The following MYO3B variants were observed in gnomAD, a reference collection of about 807,000 sequenced individuals.
The protein encoded by MYO3B is myosin-IIIb.
A neutral mutation model predicts 174.6 loss-of-function variants in MYO3B; 156 were observed. The ratio of observed to expected loss-of-function variants is 0.89; its 90% CI spans 0.78 to 1.02. The LOEUF (loss-of-function observed/expected upper bound fraction) is 1.02, where lower values mean the gene tolerates loss of function less well. Ranked by LOEUF, MYO3B falls within the 50% of genes least tolerant of loss-of-function variation. MYO3B has a pLI of 0.00. For missense variants in MYO3B, 1,632 were observed against 1,639.4 expected (o/e 1.00, Z 0.08); for synonymous variants, 563 against 569.1 (o/e 0.99, Z 0.15).
chr2:170,644,453 AT>A lies in MYO3B; in HGVS notation c.3734-7170del, dbSNP rs1698220351. 3 of 152,178 alleles carry A rather than the reference AT, an allele frequency of 2.0e-5. No homozygotes were observed. The East Asian group carries it at 5.8e-4, about 29-fold the overall frequency. The allele number at this position is 152,178 out of a possible 1,614,324, so 9.4% of individuals were successfully genotyped here. A position where few individuals can be genotyped will look rare whatever the true frequency, so the allele number is the denominator to read the frequency against. ...AGGTGCACACCACCACACACAGCTA[AT>A]TTTTGTATTTTAAGTCAAGACAGGG... is the stretch of plus-strand genomic sequence containing the variant. On this transcript the variant is annotated intron_variant, in intron 32 of 34. Transcript: ENST00000408978.
intron 7 of MYO3B, among the ~76,000 whole-genome samples, chr2:170,321,988 C>CTCAGGTA (rs1269467083): frequency 4.6e-5 from 7 of 151,966 alleles, no homozygotes; most frequent in Non-Finnish European, 7.4e-5. Flanking sequence ...GTGGCACGTG[C>CTCAGGTA]CTGTAATCCC....
chr2:170,260,954 G>A (rs2093341061), intron 7 of MYO3B, among the ~76,000 whole-genome samples: 3 of 152,318 alleles, frequency 2.0e-5, no homozygotes, highest in South Asian at 4.1e-4. Flanking sequence ...TTAAAGTGAT[G>A]CAGAAAAATG....
At chr2:170,320,220 T>C (rs2105492437) in intron 7 of MYO3B, among the ~76,000 whole-genome samples, 1 of 152,320 alleles carries the variant, frequency 6.6e-6, no homozygotes, top group East Asian at 1.9e-4. Context: ...ATTTTTAGTT[T>C]ATTTTTTGTG....
chr2:170,326,198 A>G (rs1236403384), intron 7 of MYO3B, among the ~76,000 whole-genome samples: 2 of 151,504 alleles, frequency 1.3e-5, no homozygotes, highest in Admixed American at 6.6e-5. Context: ...CATTAGACAC[A>G]CTGTAATGAT....
chr2:170,362,192 C>T (rs917772265), intron 8 of MYO3B, among the ~76,000 whole-genome samples: 1 of 152,202 alleles, frequency 6.6e-6, no homozygotes, highest in Non-Finnish European at 1.5e-5. Context: ...TGGCTTCAAA[C>T]CACCACCCTA....
At chr2:170,500,891 G>A (rs150008342) in intron 27 of MYO3B, among the ~76,000 whole-genome samples, 4 of 127,740 alleles carry the variant, frequency 3.1e-5, no homozygotes, top group Non-Finnish European at 7.0e-5. Flanking sequence ...CTTTGTTTAC[G>A]TATATGTGTT....
At chr2:170,628,797 C>T (rs986756475) in intron 32 of MYO3B, among the ~76,000 whole-genome samples, 6 of 152,144 alleles carry the variant, frequency 3.9e-5, no homozygotes, top group Non-Finnish European at 8.8e-5. Context: ...TTTTGTGAAG[C>T]TTTAGTATAG....
At chr2:170,599,238 C>T (rs1266992574) in intron 32 of MYO3B, among the ~76,000 whole-genome samples, 1 of 152,158 alleles carries the variant, frequency 6.6e-6, no homozygotes, top group Non-Finnish European at 1.5e-5. Flanking sequence ...GCATAGAATA[C>T]TGTTCGTACT....
At chr2:170,625,005 A>C (rs1272398293) in intron 32 of MYO3B, among the ~76,000 whole-genome samples, 1 of 152,340 alleles carries the variant, frequency 6.6e-6, no homozygotes, top group Non-Finnish European at 1.5e-5. Flanking sequence ...GATGTTCATC[A>C]GGGATATTGG....
intron 32 of MYO3B, among the ~76,000 whole-genome samples, chr2:170,562,733 A>G (rs1438052031): frequency 6.6e-6 from 1 of 152,168 alleles, no homozygotes; most frequent in East Asian, 1.9e-4. Flanking sequence ...TCCATTTAAG[A>G]AAGTATTTTT....
At chr2:170,298,907 A>G (rs2093646500) in intron 7 of MYO3B, among the ~76,000 whole-genome samples, 1 of 152,140 alleles carries the variant, frequency 6.6e-6, no homozygotes, top group Non-Finnish European at 1.5e-5. Context: ...ATACATAAAT[A>G]CTATTGTGTT....
At chr2:170,476,936 C>T (rs148724015) in intron 25 of MYO3B, among the ~76,000 whole-genome samples, 1 of 152,234 alleles carries the variant, frequency 6.6e-6, no homozygotes, top group Non-Finnish European at 1.5e-5. Flanking sequence ...CCATCCTAGA[C>T]ACAGACATGG....
intron 23 of MYO3B, among the ~76,000 whole-genome samples, chr2:170,461,005 G>GGGAGGGTAATAGGTC (rs1659912948): frequency 1.3e-5 from 2 of 152,098 alleles, no homozygotes; most frequent in Admixed American, 1.3e-4. Context: ...TAAGTTCTGA[G>GGGAGGGTAATAGGTC]GGAGGGTAAT....
chr2:170,620,510 A>C (rs908234895), intron 32 of MYO3B, among the ~76,000 whole-genome samples: 1 of 152,252 alleles, frequency 6.6e-6, no homozygotes, highest in Non-Finnish European at 1.5e-5. Context: ...CCCTGCTTGT[A>C]GGCTAACAAG....
At chr2:170,368,198 C>T (rs562045760) in intron 8 of MYO3B, among the ~76,000 whole-genome samples, 6 of 152,294 alleles carry the variant, frequency 3.9e-5, no homozygotes, top group South Asian at 2.1e-4. Flanking sequence ...ATTAAAAATA[C>T]GTTGTATGTT....
intron 32 of MYO3B, among the ~76,000 whole-genome samples, chr2:170,588,588 ATTG>A (rs762940300): frequency 7.0e-4 from 106 of 152,318 alleles, no homozygotes; most frequent in Non-Finnish European, 1.2e-3. Flanking sequence ...GATTTTGCAT[ATTG>A]TTGATGATGC....
chr2:170,191,456 C>G (rs1232480987), intron 1 of MYO3B, among the ~76,000 whole-genome samples: 2 of 152,022 alleles, frequency 1.3e-5, no homozygotes, highest in Non-Finnish European at 2.9e-5. Flanking sequence ...CTTTAGAACC[C>G]CAGAGCAATT....
intron 7 of MYO3B, among the ~76,000 whole-genome samples, chr2:170,323,540 C>A (rs987753382): frequency 5.3e-5 from 8 of 152,118 alleles, no homozygotes; most frequent in South Asian, 2.1e-4. Flanking sequence ...AAGAATAAAT[C>A]CCAAATGCAG....
At chr2:170,397,274 G>A (rs575997860) in intron 16 of MYO3B, among the ~76,000 whole-genome samples, 5 of 152,238 alleles carry the variant, frequency 3.3e-5, no homozygotes, top group African/African-American at 1.2e-4. Context: ...CACTATTATA[G>A]TCTGTGTTCC....
Sources: gnomAD v4.1 joint callset for allele counts (sites outside exome capture counted in the v4.1 genomes callset) on GRCh38, gnomAD v4.1.1 for gene constraint, MANE v1.5 for transcripts, NCBI Gene and HGNC (gene_info 2026-07-23, HGNC 2026-07-21) for gene names.